GUCY1A2: variants seen among roughly 807,000 people sequenced by gnomAD.
The protein encoded by GUCY1A2 is guanylate cyclase 1 soluble subunit alpha 2, also known as guanylate cyclase soluble subunit alpha-2.
Under a neutral mutation model 63.5 loss-of-function variants are expected in GUCY1A2, and 27 were observed. That is an observed-to-expected ratio of 0.43 (90% CI 0.31 to 0.59). The LOEUF (loss-of-function observed/expected upper bound fraction) is 0.59, where lower values mean the gene tolerates loss of function less well. GUCY1A2 is among the 20% of genes least tolerant of loss of function. GUCY1A2 has a pLI of 0.11. For synonymous variants in GUCY1A2, 364 were observed against 343.5 expected (o/e 1.06, Z -0.66); for missense variants, 768 against 913.3 (o/e 0.84, Z 2.05).
intron 4 of GUCY1A2, among the ~76,000 whole-genome samples, chr11:106,819,378 T>C (rs1206694299): frequency 1.3e-5 from 2 of 152,116 alleles, no homozygotes; most frequent in African/African-American, 4.8e-5. Context: ...TTGCAAGCTA[T>C]AAGGAAATGT....
chr11:106,960,466 G>A (rs1254737717), intron 3 of GUCY1A2, among the ~76,000 whole-genome samples: 3 of 152,162 alleles, frequency 2.0e-5, no homozygotes, highest in African/African-American at 7.2e-5. Flanking sequence ...AGAGTAGTCT[G>A]CTATTAATTT....
At chr11:106,729,653 C>T (rs144498507) in intron 6 of GUCY1A2, among the ~76,000 whole-genome samples, 1 of 151,952 alleles carries the variant, frequency 6.6e-6, no homozygotes, top group Non-Finnish European at 1.5e-5. Context: ...AAAAATGATT[C>T]CCTCAATGAC....
At chr11:106,871,805 GATGTA>G (rs1859681813) in intron 4 of GUCY1A2, among the ~76,000 whole-genome samples, 2 of 152,142 alleles carry the variant, frequency 1.3e-5, no homozygotes, top group Non-Finnish European at 2.9e-5. Flanking sequence ...TAATGTCAAA[GATGTA>G]ATGTACTTTG....
chr11:106,783,017 G>A (rs753846838), intron 5 of GUCY1A2, among the ~76,000 whole-genome samples: 14 of 152,190 alleles, frequency 9.2e-5, no homozygotes, highest in Non-Finnish European at 1.6e-4. Context: ...TCCATGGAAC[G>A]CCCATGGGAC....
chr11:106,723,213 A>AT (rs1863349148), intron 6 of GUCY1A2, among the ~76,000 whole-genome samples: 1 of 152,146 alleles, frequency 6.6e-6, no homozygotes, highest in South Asian at 2.1e-4. Context: ...ATGTCTGCGT[A>AT]TAAGTTGTTT....
intron 3 of GUCY1A2, among the ~76,000 whole-genome samples, chr11:106,941,847 C>G (rs1333642076): frequency 6.6e-6 from 1 of 152,098 alleles, no homozygotes; most frequent in Non-Finnish European, 1.5e-5. Flanking sequence ...GAGTAGAAAA[C>G]CTAAGTGAGA....
At chr11:106,719,071 A>G (rs1469026701) in intron 6 of GUCY1A2, among the ~76,000 whole-genome samples, 1 of 152,134 alleles carries the variant, frequency 6.6e-6, no homozygotes, top group Non-Finnish European at 1.5e-5. Flanking sequence ...AAAGACGTCT[A>G]TATTGTATAA....
intron 4 of GUCY1A2, among the ~76,000 whole-genome samples, chr11:106,845,035 T>G (rs1859252201): frequency 2.0e-5 from 3 of 151,680 alleles, no homozygotes; most frequent in Admixed American, 1.3e-4. Context: ...CACCTAAAGT[T>G]ACCTCCGGCA....
chr11:106,978,607 T>C lies in GUCY1A2; in HGVS notation c.487+12A>G, dbSNP rs2120118226. ...TCTCTCTCATCCATATAAATATATATAGTTAATATACCGAGTATATTAGCA... is the reference window on the plus strand; with the variant it reads ...TCTCTCTCATCCATATAAATATATACAGTTAATATACCGAGTATATTAGCA... On this transcript the variant is annotated intron_variant, in intron 3 of 7. Transcript: ENST00000526355. 2.8e-6 allele frequency: 4 copies of C among 1,440,578 alleles called. No individual in the cohort carries two copies. Among genetic ancestry groups the C allele is most frequent in the East Asian group, 2.3e-5 (1 of 43,862 alleles). The allele number at this position is 1,440,578 out of a possible 1,614,324, so 89.2% of individuals were successfully genotyped here.
At chr11:106,732,268 C>T (rs1261582316) in intron 6 of GUCY1A2, among the ~76,000 whole-genome samples, 1 of 152,074 alleles carries the variant, frequency 6.6e-6, no homozygotes, top group Non-Finnish European at 1.5e-5. Flanking sequence ...CAGAAACAAG[C>T]AATAGAGAAA....
intron 6 of GUCY1A2, among the ~76,000 whole-genome samples, chr11:106,767,403 T>C (rs1214382761): frequency 6.6e-6 from 1 of 152,142 alleles, no homozygotes; most frequent in Non-Finnish European, 1.5e-5. Context: ...TATTCTTTCT[T>C]GTAGCATAAA....
intron 5 of GUCY1A2, among the ~76,000 whole-genome samples, chr11:106,788,015 G>A (rs1037883647): frequency 2.0e-5 from 3 of 152,094 alleles, no homozygotes; most frequent in African/African-American, 7.2e-5. Context: ...ATGTACAAGG[G>A]TTCCCTTTGC....
intron 6 of GUCY1A2, among the ~76,000 whole-genome samples, chr11:106,736,613 G>A (rs528050014): frequency 1.3e-4 from 19 of 151,792 alleles, no homozygotes; most frequent in African/African-American, 3.6e-4. Context: ...GGCTATTTTG[G>A]GTCTTTTATG....
chr11:106,968,454 T>C (rs2883329), intron 3 of GUCY1A2, among the ~76,000 whole-genome samples: 2,861 of 152,182 alleles, frequency 0.019, 86 homozygotes, highest in African/African-American at 0.065. Flanking sequence ...TCAGAGTTGG[T>C]TTTTCCTCTT....
chr11:106,865,806 A>C (rs150972703), intron 4 of GUCY1A2, among the ~76,000 whole-genome samples: 1 of 151,822 alleles, frequency 6.6e-6, no homozygotes, highest in African/African-American at 2.4e-5. Context: ...TAATAATAAT[A>C]ATAATAAAAA....
intron 3 of GUCY1A2, among the ~76,000 whole-genome samples, chr11:106,947,596 T>C (rs2120006107): frequency 6.6e-6 from 1 of 152,130 alleles, no homozygotes; most frequent in South Asian, 2.1e-4. Context: ...CAAAAATTGC[T>C]CAAATACTTG....
At chr11:106,708,691 G>T (rs374550010) in intron 6 of GUCY1A2, 25 bp from the exon 7 acceptor site, 3 of 1,512,130 alleles carry the variant, frequency 2.0e-6, no homozygotes, top group African/African-American at 1.4e-5. Flanking sequence ...AAGAGGAAAA[G>T]GAACATATTT....
chr11:106,724,387 G>A (rs537933069), intron 6 of GUCY1A2, among the ~76,000 whole-genome samples: 2 of 152,120 alleles, frequency 1.3e-5, no homozygotes, highest in Non-Finnish European at 2.9e-5. Flanking sequence ...ATATTGTCAC[G>A]TAGCTAGATC....
chr11:106,798,909 G>T (rs1864817103), intron 5 of GUCY1A2, among the ~76,000 whole-genome samples: 1 of 152,078 alleles, frequency 6.6e-6, no homozygotes, highest in Non-Finnish European at 1.5e-5. Flanking sequence ...TGGAAGTTCT[G>T]GCCAGGGCAA....
Sources: gnomAD v4.1 joint callset for allele counts (sites outside exome capture counted in the v4.1 genomes callset) on GRCh38, gnomAD v4.1.1 for gene constraint, MANE v1.5 for transcripts, NCBI Gene and HGNC (gene_info 2026-07-23, HGNC 2026-07-21) for gene names.